The following CLSTN2 variants were observed in gnomAD, a reference collection of about 807,000 sequenced individuals.
CLSTN2 encodes the protein calsyntenin 2.
Under a neutral mutation model 101.2 loss-of-function variants are expected in CLSTN2, and 48 were observed. The ratio of observed to expected loss-of-function variants is 0.47; its 90% CI spans 0.38 to 0.60. CLSTN2 has a LOEUF of 0.60. Ranked by LOEUF, CLSTN2 falls within the 20% of genes least tolerant of loss-of-function variation. The pLI, the probability that CLSTN2 is intolerant of heterozygous loss-of-function variation, is 0.00. For missense variants in CLSTN2, 1,160 were observed against 1,238.2 expected (o/e 0.94, Z 0.95); for synonymous variants, 481 against 463.6 (o/e 1.04, Z -0.48).
In CLSTN2 at chr3:140,122,338, A is replaced by C. The variant is rs76037524; in HGVS notation, c.110-53613A>C. ...AGGCAAGCCTGGCTGGCCCCTCTTC[A>C]AAGCTGGCAAAATGCCGTGGATAGA... is the stretch of plus-strand genomic sequence containing the variant. On this transcript the variant is annotated intron_variant, in intron 1 of 16. Coordinates refer to ENST00000458420, the MANE Select transcript of CLSTN2 (RefSeq NM_022131.3). 1.5e-3 allele frequency among the ~76,000 whole-genome samples: 236 copies of C among 152,282 alleles called. 7 individuals carry two copies. The East Asian group carries it at 0.033, about 22-fold the overall frequency.
chr3:140,088,490 C>T (rs1181271521), intron 1 of CLSTN2, among the ~76,000 whole-genome samples: 1 of 149,104 alleles, frequency 6.7e-6, no homozygotes, highest in African/African-American at 2.5e-5. Flanking sequence ...TTTCCCATCC[C>T]AACCCCATTT....
At chr3:140,095,015 C>A (rs1261854187) in intron 1 of CLSTN2, among the ~76,000 whole-genome samples, 2 of 152,178 alleles carry the variant, frequency 1.3e-5, no homozygotes, top group South Asian at 4.1e-4. Flanking sequence ...GATTATAGAA[C>A]TTTAAGTAGA....
chr3:140,033,906 A>G (rs1028594830), intron 1 of CLSTN2, among the ~76,000 whole-genome samples: 1 of 152,198 alleles, frequency 6.6e-6, no homozygotes, highest in Non-Finnish European at 1.5e-5. Flanking sequence ...AGGAGGTTGA[A>G]ATAATTAGCT....
rs149459718 is a variant in CLSTN2, at chr3:140,499,399, C to T, written c.1344+32668C>T. 9.9e-5 allele frequency among the ~76,000 whole-genome samples: 15 copies of T among 152,258 alleles called. No individual in the cohort carries two copies. The East Asian group carries it at 2.9e-3, about 29-fold the overall frequency. ...GAATTACTTACTGTCTTCAAGGACCCCAATGTGTAATTAGTTTGATTGGAC... is the reference window on the plus strand; with the variant it reads ...GAATTACTTACTGTCTTCAAGGACCTCAATGTGTAATTAGTTTGATTGGAC... On this transcript the variant is annotated intron_variant, in intron 8 of 16. Transcript: ENST00000458420.
chr3:140,193,367 A>C (rs1391531153), intron 2 of CLSTN2, among the ~76,000 whole-genome samples: 1 of 150,102 alleles, frequency 6.7e-6, no homozygotes, highest in Non-Finnish European at 1.5e-5. Flanking sequence ...TCATTCAAGA[A>C]TGTCTTGATT....
chr3:140,123,940 C>A (rs58496348), intron 1 of CLSTN2, among the ~76,000 whole-genome samples: 1 of 151,982 alleles, frequency 6.6e-6, no homozygotes, highest in Non-Finnish European at 1.5e-5. Flanking sequence ...CCTTAATTAC[C>A]TCCTAAAAGC....
At chr3:140,378,917 C>T (rs2087949264) in intron 2 of CLSTN2, among the ~76,000 whole-genome samples, 1 of 152,212 alleles carries the variant, frequency 6.6e-6, no homozygotes. Flanking sequence ...TGGTTTTACC[C>T]TTCCCTCCCA....
At chr3:140,310,903 C>T (rs2107916591) in intron 2 of CLSTN2, among the ~76,000 whole-genome samples, 1 of 152,264 alleles carries the variant, frequency 6.6e-6, no homozygotes, top group African/African-American at 2.4e-5. Flanking sequence ...TACAAACCAG[C>T]CTCTGTGTTA....
At chr3:140,092,002 C>T (rs780182508) in intron 1 of CLSTN2, among the ~76,000 whole-genome samples, 3 of 152,172 alleles carry the variant, frequency 2.0e-5, no homozygotes, top group Non-Finnish European at 4.4e-5. Flanking sequence ...GTGCCTCAAT[C>T]CAGGAAGCTT....
At chr3:139,972,507 T>C (rs1935729637) in intron 1 of CLSTN2, among the ~76,000 whole-genome samples, 1 of 152,204 alleles carries the variant, frequency 6.6e-6, no homozygotes, top group East Asian at 1.9e-4. Context: ...AACACTCTGC[T>C]CCATCACTTG....
At chr3:140,038,979 A>G (rs16849739) in intron 1 of CLSTN2, among the ~76,000 whole-genome samples, 3 of 152,038 alleles carry the variant, frequency 2.0e-5, no homozygotes, top group African/African-American at 7.2e-5. Flanking sequence ...ACTTGACTTC[A>G]TTGGTCTTGG....
intron 2 of CLSTN2, among the ~76,000 whole-genome samples, chr3:140,307,346 G>C (rs1207759167): frequency 2.0e-5 from 3 of 152,138 alleles, no homozygotes; most frequent in Non-Finnish European, 4.4e-5. Context: ...GCCTCCTCCT[G>C]CTCTCCTTGC....
chr3:140,412,017 T>C (rs1336839513), intron 4 of CLSTN2, among the ~76,000 whole-genome samples: 1 of 152,170 alleles, frequency 6.6e-6, no homozygotes, highest in Non-Finnish European at 1.5e-5. Flanking sequence ...AGATTTGTTT[T>C]TGTTTTTGTT....
chr3:140,502,938 G>A (rs1206615665), intron 8 of CLSTN2, among the ~76,000 whole-genome samples: 3 of 152,140 alleles, frequency 2.0e-5, no homozygotes, highest in Non-Finnish European at 4.4e-5. Flanking sequence ...ATGGGTCTCC[G>A]GGGCTAAAAT....
At chr3:139,967,750 T>G (rs1278463018) in intron 1 of CLSTN2, among the ~76,000 whole-genome samples, 3 of 152,316 alleles carry the variant, frequency 2.0e-5, no homozygotes, top group African/African-American at 7.2e-5. Flanking sequence ...AATATTCCAG[T>G]TGTTTGCTAG....
At chr3:140,413,293 T>C (rs980167287) in intron 4 of CLSTN2, among the ~76,000 whole-genome samples, 1 of 152,172 alleles carries the variant, frequency 6.6e-6, no homozygotes, top group Admixed American at 6.5e-5. Flanking sequence ...TTGTATAACC[T>C]AGGAAAAATA....
chr3:140,498,966 T>G (rs1934520464), intron 8 of CLSTN2, among the ~76,000 whole-genome samples: 1 of 152,270 alleles, frequency 6.6e-6, no homozygotes, highest in African/African-American at 2.4e-5. Flanking sequence ...GAATGTTTTT[T>G]TTTTTTTTCA....
At chr3:140,502,845 A>G (rs1215554534) in intron 8 of CLSTN2, among the ~76,000 whole-genome samples, 4 of 152,172 alleles carry the variant, frequency 2.6e-5, no homozygotes, top group African/African-American at 9.7e-5. Context: ...TTGGTTTCCT[A>G]TTGCAACCAT....
chr3:140,098,819 A>T (rs756995445), intron 1 of CLSTN2, among the ~76,000 whole-genome samples: 22 of 152,200 alleles, frequency 1.4e-4, no homozygotes, highest in Non-Finnish European at 2.6e-4. Context: ...ATGTGAGAGC[A>T]TTAGGAGTCT....
Sources: allele counts gnomAD v4.1 joint callset (sites outside exome capture counted in the v4.1 genomes callset), GRCh38; gene constraint gnomAD v4.1.1; transcripts MANE v1.5; gene names NCBI Gene and HGNC (gene_info 2026-07-23, HGNC 2026-07-21).